Variants in MCAM observed in about 807,000 individuals in gnomAD.
MCAM encodes cell surface glycoprotein MUC18.
Under a neutral mutation model 79.1 loss-of-function variants are expected in MCAM, and 55 were observed. That is an observed-to-expected ratio of 0.70 (90% CI 0.56 to 0.87). The LOEUF is 0.87. Ranked by LOEUF, MCAM falls within the 40% of genes least tolerant of loss-of-function variation. The pLI is 0.00. For synonymous variants in MCAM, 330 were observed against 339.8 expected, an observed-to-expected ratio of 0.97 and a Z score of 0.32; for missense variants, 745 against 839.8, an observed-to-expected ratio of 0.89 and a Z score of 1.40.
intron 5 of MCAM, chr11:119,313,516 C>A (rs549853756): frequency 1.9e-4 from 68 of 360,568 alleles, no homozygotes; most frequent in South Asian, 1.4e-3. Context: ...ATTCTCCTGC[C>A]TCAGCCTCCT....
At chr11:119,313,460 C>A (rs1488759611) in intron 5 of MCAM, 10 of 593,638 alleles carry the variant, frequency 1.7e-5, no homozygotes, top group Non-Finnish European at 2.2e-5. Context: ...TGCAGTGGTA[C>A]AATCTCGGCT....
Position 119,312,177 on chromosome 11 carries a change from G to A in MCAM, c.1025-7C>T, listed in dbSNP as rs557950200. The A allele has an allele frequency of 3.1e-6, 5 of 1,611,440 alleles. No individual in the cohort carries two copies. Among genetic ancestry groups the A allele is most frequent in the African/African-American group, 1.3e-5 (1 of 74,960 alleles). Reference sequence around the variant, plus strand: ...ACTCGGACGTCAGACACATCTGGGGGTACAGCAATCATGTCACCCAGGGCA... The same window carrying A: ...ACTCGGACGTCAGACACATCTGGGGATACAGCAATCATGTCACCCAGGGCA... On this transcript the variant is annotated splice_polypyrimidine_tract_variant and splice_region_variant and intron_variant, in intron 8 of 15. Coordinates refer to ENST00000264036, the MANE Select transcript of MCAM (RefSeq NM_006500.3). The surrounding 1 kb of genome is among the most constrained non-coding windows in gnomAD (Gnocchi z 4.9).
At chr11:119,313,843 T>G in intron 5 of MCAM, 1 of 578,722 alleles carries the variant, frequency 1.7e-6, no homozygotes, top group Middle Eastern at 9.0e-4. Context: ...CTCCAGACAT[T>G]GCCAAGTATC....
rs772013952 is a variant in MCAM at position 119,311,940 on chromosome 11, C to G, written c.1153G>C (p.Val385Leu). The G allele has an allele frequency of 1.9e-6, 3 of 1,613,622 alleles. No homozygotes were observed. Among genetic ancestry groups the G allele is most frequent in the Non-Finnish European group, 2.5e-6 (3 of 1,179,992 alleles). The change falls in exon 10 of 16, where the codon GTG becomes CTG. Residue 385 changes from valine (V) to leucine (L), a missense_variant. Physicochemically the swap from Val to Leu is conservative, Grantham distance 32. Transcript: ENST00000264036. This position sits in a 1 kb window ranked among gnomAD's most constrained non-coding sequence, Gnocchi z 4.4. ...TGAAGCACAGGCCCCCTTTCCAGCA[C>G]CTGGCCTGTCTGGGATGAGAGATGG... ...FQWLREETGQ[V>L]LERGPVLQLH...
Position 119,309,831 on chromosome 11 carries a change from T to G in MCAM, c.*55A>C, listed in dbSNP as rs1279699115. On this transcript the variant is annotated 3_prime_UTR_variant, in exon 16 of 16. Transcript: ENST00000264036. ...TTGGAGGCTTTGGCTGAGAGAAGAG[T>G]GAGCAGGGAGCTGGGAATGGTCCAG... The G allele has an allele frequency of 4.6e-6, 7 of 1,537,656 alleles. No homozygotes were observed. The highest frequency in any genetic ancestry group is 1.2e-5 in the South Asian group (1 of 85,238).
chr11:119,310,032 G>A, intron 15 of MCAM, 117 bp from the exon 16 acceptor site: 1 of 894,722 alleles, frequency 1.1e-6, no homozygotes, highest in Non-Finnish European at 1.8e-6. Context: ...GGCAGCGTTG[G>A]GGAGGAAGCT....
At position 119,311,644 on chromosome 11, in the gene MCAM, A is replaced by G; in HGVS notation, c.1293T>C (p.Pro431=). The change falls in exon 11 of 16, where the codon CCT becomes CCC. Residue 431 remains proline (P), a synonymous_variant. Transcript: ENST00000264036. This position sits in a 1 kb window ranked among gnomAD's most constrained non-coding sequence, Gnocchi z 4.4. Reference sequence around the variant, plus strand: ...CCTTCCTCTCCTTGAATGCCATCCAAGGGGGGCCTTGGGGAGGTAGGGAGA... The same window carrying G: ...CCTTCCTCTCCTTGAATGCCATCCAGGGGGGGCCTTGGGGAGGTAGGGAGA... The part of the protein sequence containing the change: ...QLVNVAIFGP[P]WMAFKERKVW... The G allele has an allele frequency of 6.2e-7, 1 of 1,614,036 alleles. No individual in the cohort carries two copies. The highest frequency in any genetic ancestry group is 8.5e-7 in the Non-Finnish European group (1 of 1,179,966).
Position 119,309,924 on chromosome 11 carries a change from G to A in MCAM, c.1912-9C>T. ...TCGATGTATTTCTCTCCCTAAAAGT[G>A]GGTAGAGGAGAAGAGGGGAACACGG... On this transcript the variant is annotated splice_polypyrimidine_tract_variant and intron_variant, in intron 15 of 15. Coordinates refer to ENST00000264036, the MANE Select transcript of MCAM (RefSeq NM_006500.3). 1.3e-6 allele frequency: 2 copies of A among 1,599,206 alleles called. No homozygotes were observed. Among genetic ancestry groups the A allele is most frequent in the Non-Finnish European group, 1.7e-6 (2 of 1,172,422 alleles).
In MCAM at chr11:119,309,853, C is replaced by G; in HGVS notation, c.*33G>C. On this transcript the variant is annotated 3_prime_UTR_variant, in exon 16 of 16. Coordinates refer to ENST00000264036, the MANE Select transcript of MCAM (RefSeq NM_006500.3). The stretch of plus-strand genomic sequence containing the variant: ...GAGTGAGCAGGGAGCTGGGAATGGT[C>G]CAGGCAGGGAAGGGAGCTGAAGTGA... The G allele has an allele frequency of 6.3e-7, 1 of 1,587,014 alleles. No homozygotes were observed. Among genetic ancestry groups the G allele is most frequent in the Admixed American group, 1.8e-5 (1 of 56,540 alleles).
At chr11:119,310,722 C>A in intron 14 of MCAM, 34 bp downstream of exon 14, 1 of 1,600,630 alleles carries the variant, frequency 6.2e-7, no homozygotes, top group Non-Finnish European at 8.5e-7. Context: ...GGTGGCAAAA[C>A]GGGCGGGGGC....
In MCAM at chr11:119,308,617, AT is replaced by A. The variant is rs1218294027; in HGVS notation, c.*1268del. ...CATATATAAAGGAAACAATTTGCAA[AT>A]TTACACACCTGACAAAACCATATAT... On this transcript the variant is annotated 3_prime_UTR_variant, in exon 16 of 16. Transcript: ENST00000264036. 2 of 151,796 alleles carry A rather than the reference AT, an allele frequency of 1.3e-5. No homozygotes were observed. Among genetic ancestry groups the A allele is most frequent in the East Asian group, 3.9e-4 (2 of 5,162 alleles). 9.4% of individuals were successfully genotyped at this position (151,796 alleles called of 1,614,324 possible). A position where few individuals can be genotyped will look rare whatever the true frequency, so the allele number is the denominator to read the frequency against.
rs750979752 is a variant in MCAM at position 119,314,623 on chromosome 11, A to C, written c.472-47T>G. On this transcript the variant is annotated intron_variant, in intron 4 of 15. Coordinates refer to ENST00000264036, the MANE Select transcript of MCAM (RefSeq NM_006500.3). Reference sequence around the variant, plus strand: ...TCTCCCTGCCTCCGAGCCCCCTTCAAGCCCCATCTCAGCGGCTGCGCACCA... The same window carrying C: ...TCTCCCTGCCTCCGAGCCCCCTTCACGCCCCATCTCAGCGGCTGCGCACCA... 5 of 1,611,810 alleles carry C rather than the reference A, an allele frequency of 3.1e-6. No individual in the cohort carries two copies. In the Admixed American group the frequency reaches 6.7e-5, roughly 21 times the overall value.
chr11:119,313,035 A>G, intron 5 of MCAM, 86 bp from the exon 6 acceptor site: 1 of 1,596,552 alleles, frequency 6.3e-7, no homozygotes, highest in South Asian at 1.1e-5. Flanking sequence ...TTGGCAGGGG[A>G]CCATCTAAAT....
rs201305960 is a variant in MCAM at position 119,312,587 on chromosome 11, G to C, written c.801C>G (p.Arg267=). The change falls in exon 7 of 16, where the codon CGC becomes CGG. Residue 267 remains arginine (R), a synonymous_variant. Transcript: ENST00000264036. The surrounding 1 kb of genome is among the most constrained non-coding windows in gnomAD (Gnocchi z 4.9). ...EPVGMLKEGD[R]VEIRCLADGN... ...CATCAGCCAAACACCTGATTTCCAC[G>C]CGGTCCCCTTCCTTCAGCATTCCCA... is the stretch of plus-strand genomic sequence containing the variant. 3 of 1,614,028 alleles carry C rather than the reference G, an allele frequency of 1.9e-6. No homozygotes were observed. In the South Asian group the frequency reaches 3.3e-5, roughly 18 times the overall value.
At chr11:119,313,868 G>T in intron 5 of MCAM, 1 of 772,202 alleles carries the variant, frequency 1.3e-6, no homozygotes, top group Non-Finnish European at 1.6e-6. Context: ...AGGAGGAGGG[G>T]GTACAAAATC....
In MCAM at chr11:119,316,224, TCC is replaced by T. The variant is rs1950309290; in HGVS notation, c.67+809_67+810del. 1 of 152,160 alleles carries T rather than the reference TCC, an allele frequency of 6.6e-6. No individual in the cohort carries two copies. Among genetic ancestry groups the T allele is most frequent in the Non-Finnish European group, 1.5e-5 (1 of 68,034 alleles). The allele number at this position is 152,160 out of a possible 1,614,324, so 9.4% of individuals were successfully genotyped here. On this transcript the variant is annotated intron_variant, in intron 1 of 15. Coordinates refer to ENST00000264036, the MANE Select transcript of MCAM (RefSeq NM_006500.3). This position sits in a 1 kb window ranked among gnomAD's most constrained non-coding sequence, Gnocchi z 4.8. ...CAGCGAGCTGGGTATTGCCTAGCCC[TCC>T]CCTTCCCCAGCCGGACAGCGGCTGG...
At chr11:119,310,307 C>T in intron 15 of MCAM, 42 bp downstream of exon 15, 3 of 1,314,434 alleles carry the variant, frequency 2.3e-6, no homozygotes, top group Non-Finnish European at 3.3e-6. Flanking sequence ...CCCCCGGTCC[C>T]TGAGGATGTG....
chr11:119,314,010 C>T, intron 5 of MCAM: 7 of 982,600 alleles, frequency 7.1e-6, no homozygotes, highest in Non-Finnish European at 8.5e-6. Context: ...GAGATTATTT[C>T]TGGGAGGGGG....
rs778497975 is a variant in MCAM, at chr11:119,315,130, A to G, written c.192+9T>C. 1.2e-6 allele frequency: 2 copies of G among 1,613,452 alleles called. No homozygotes were observed. Among genetic ancestry groups the G allele is most frequent in the South Asian group, 1.1e-5 (1 of 91,084 alleles). ...CCCGGGCTGCTCTTGCAGGAGCCCA[A>G]GCACTCACAGAAAACCAGTCGACAT... On this transcript the variant is annotated intron_variant, in intron 2 of 15. Transcript: ENST00000264036. The surrounding 1 kb of genome is among the most constrained non-coding windows in gnomAD (Gnocchi z 4.4).
Sources: allele counts gnomAD v4.1 joint callset, GRCh38; gene constraint gnomAD v4.1.1; non-coding constraint Gnocchi (gnomAD v3.1); transcripts MANE v1.5; gene names NCBI Gene and HGNC (gene_info 2026-07-23, HGNC 2026-07-21).